DPYS: variants seen among roughly 807,000 people sequenced by gnomAD.
The protein encoded by DPYS is dihydropyrimidine amidohydrolase.
Under a neutral mutation model 50.3 loss-of-function variants are expected in DPYS, and 39 were observed. That is an observed-to-expected ratio of 0.78 (90% CI 0.60 to 1.01). DPYS has a LOEUF of 1.01. Ranked by LOEUF, DPYS falls within the 50% of genes least tolerant of loss-of-function variation. The pLI, the probability that DPYS is intolerant of heterozygous loss-of-function variation, is 0.00. For missense variants in DPYS, 659 were observed against 680.9 expected, an observed-to-expected ratio of 0.97 and a Z score of 0.36; for synonymous variants, 245 against 250.7, an observed-to-expected ratio of 0.98 and a Z score of 0.22.
intron 1 of DPYS, among the ~76,000 whole-genome samples, chr8:104,459,439 A>G (rs1380030606): frequency 2.0e-5 from 3 of 152,326 alleles, no homozygotes; most frequent in African/African-American, 7.2e-5. Context: ...TTTCATCTCT[A>G]TAACCTCTGC....
Position 104,428,053 on chromosome 8 carries a change from T to C in DPYS, c.1019A>G (p.Asp340Gly), listed in dbSNP as rs1288022078. ...CCCATTGGGGATCTTGGTAAAATCA[T>C]CCTTCCCAAGAGCTTTCTGGCAGGT... ...FNTCQKALGKDDFTKIPNGVN... is the reference protein window; with the variant it reads ...FNTCQKALGKGDFTKIPNGVN... The change falls in exon 6 of 10, where the codon GAT (aspartate) becomes GGT (glycine). Residue 340 changes from aspartate (D) to glycine (G), a missense_variant. Transcript: ENST00000351513. The C allele has an allele frequency of 6.2e-7, 1 of 1,614,232 alleles. No homozygotes were observed. Among genetic ancestry groups the C allele is most frequent in the Non-Finnish European group, 8.5e-7 (1 of 1,180,036 alleles).
intron 7 of DPYS, among the ~76,000 whole-genome samples, chr8:104,413,529 A>T (rs2669421): frequency 0.47 from 71,730 of 151,562 alleles, 17,572 homozygotes; most frequent in Middle Eastern, 0.55. Flanking sequence ...TGTACTTTTT[A>T]AAAAAATTAT....
At chr8:104,438,610 T>A (rs779737985) in intron 4 of DPYS, among the ~76,000 whole-genome samples, 10 of 152,142 alleles carry the variant, frequency 6.6e-5, no homozygotes, top group Non-Finnish European at 1.5e-4. Flanking sequence ...GAAGAATATT[T>A]CCATAATTTT....
intron 4 of DPYS, among the ~76,000 whole-genome samples, chr8:104,441,350 T>A (rs565905161): frequency 6.6e-6 from 1 of 152,280 alleles, no homozygotes; most frequent in East Asian, 1.9e-4. Context: ...ACCCATTTTG[T>A]GGTGGGCAGA....
chr8:104,434,380 G>A (rs890095190), intron 4 of DPYS, among the ~76,000 whole-genome samples: 2 of 152,118 alleles, frequency 1.3e-5, no homozygotes, highest in African/African-American at 4.8e-5. Flanking sequence ...ATTCCAAAAG[G>A]GAGGAGGACA....
At chr8:104,387,539 T>C (rs1418884052) in intron 8 of DPYS, among the ~76,000 whole-genome samples, 1 of 152,124 alleles carries the variant, frequency 6.6e-6, no homozygotes, top group African/African-American at 2.4e-5. Flanking sequence ...TTAAAGTTTA[T>C]GGTTAGGATA....
chr8:104,438,071 C>T lies in DPYS; in HGVS notation c.793+6177G>A, dbSNP rs145808748. Among the ~76,000 whole-genome samples the T allele has an allele frequency of 2.6e-3, 392 of 152,276 alleles. 1 individual carries two copies. Among genetic ancestry groups the T allele is most frequent in the African/African-American group, 7.4e-3 (306 of 41,562 alleles). ...AAGGAATCAGAAAATTTACCTTTTA[C>T]ACACTTTTCCTTAAAAATTACCTGA... On this transcript the variant is annotated intron_variant, in intron 4 of 9. Transcript: ENST00000351513.
intron 3 of DPYS, among the ~76,000 whole-genome samples, chr8:104,446,436 A>G (rs1166817685): frequency 6.6e-6 from 1 of 152,214 alleles, no homozygotes; most frequent in Non-Finnish European, 1.5e-5. Context: ...TTATTACGGA[A>G]TAATCCTCTT....
At chr8:104,428,452 T>C (rs1812813846) in intron 5 of DPYS, among the ~76,000 whole-genome samples, 1 of 152,208 alleles carries the variant, frequency 6.6e-6, no homozygotes, top group South Asian at 2.1e-4. Flanking sequence ...CACATGTACT[T>C]GATGAAGATA....
chr8:104,463,354 T>C (rs1205713468), intron 1 of DPYS, among the ~76,000 whole-genome samples: 1 of 152,254 alleles, frequency 6.6e-6, no homozygotes, highest in Non-Finnish European at 1.5e-5. Context: ...AGAGTTACTG[T>C]CTTTTCTAAA....
At chr8:104,459,240 T>C (rs763103567) in intron 1 of DPYS, among the ~76,000 whole-genome samples, 7 of 152,228 alleles carry the variant, frequency 4.6e-5, no homozygotes, top group African/African-American at 7.2e-5. Flanking sequence ...GCCACTGTGA[T>C]TGATGACTCA....
chr8:104,452,312 A>G (rs1813772127), intron 1 of DPYS, among the ~76,000 whole-genome samples: 1 of 152,240 alleles, frequency 6.6e-6, no homozygotes. Context: ...TAATTGTTGT[A>G]TTCAAACAAT....
In DPYS at chr8:104,404,517, G is replaced by C. The variant is rs192907001; in HGVS notation, c.1236-11526C>G. Among the ~76,000 whole-genome samples the C allele has an allele frequency of 2.6e-5, 4 of 152,374 alleles. No homozygotes were observed. In the East Asian group the frequency reaches 7.7e-4, roughly 29 times the overall value. Reference sequence around the variant, plus strand: ...TAAATGAGTAAACAAAGTAACAGTTGTGAATAACAAAGTAACTTCATGCTT... The same window carrying C: ...TAAATGAGTAAACAAAGTAACAGTTCTGAATAACAAAGTAACTTCATGCTT... On this transcript the variant is annotated intron_variant, in intron 7 of 9. Transcript: ENST00000351513.
At chr8:104,442,492 G>A (rs1376074006) in intron 4 of DPYS, among the ~76,000 whole-genome samples, 2 of 152,182 alleles carry the variant, frequency 1.3e-5, no homozygotes, top group African/African-American at 4.8e-5. Flanking sequence ...ATCTCATAGC[G>A]TTGGCAACAG....
intron 8 of DPYS, among the ~76,000 whole-genome samples, chr8:104,392,405 C>CT (rs753998176): frequency 6.6e-6 from 1 of 152,152 alleles, no homozygotes; most frequent in Non-Finnish European, 1.5e-5. Context: ...TCTGAGGGCT[C>CT]TCCCAATCTT....
At chr8:104,381,777 T>C (rs1018245068) in intron 8 of DPYS, among the ~76,000 whole-genome samples, 4 of 151,990 alleles carry the variant, frequency 2.6e-5, no homozygotes, top group African/African-American at 4.8e-5. Flanking sequence ...TCTCACCTCG[T>C]TGGTGACCGA....
intron 7 of DPYS, among the ~76,000 whole-genome samples, chr8:104,398,781 C>T (rs1811676582): frequency 6.6e-6 from 1 of 152,172 alleles, no homozygotes; most frequent in Non-Finnish European, 1.5e-5. Context: ...GGAACAGACC[C>T]ATCCTTTCAA....
chr8:104,413,770 T>C (rs77171982), intron 7 of DPYS, among the ~76,000 whole-genome samples: 7,213 of 152,332 alleles, frequency 0.047, 252 homozygotes, highest in Non-Finnish European at 0.076. Flanking sequence ...AATTGCAAAG[T>C]TCTGCATTTA....
intron 4 of DPYS, among the ~76,000 whole-genome samples, chr8:104,440,616 G>A (rs1018350162): frequency 7.9e-5 from 12 of 152,166 alleles, no homozygotes; most frequent in Admixed American, 2.0e-4. Context: ...AAAATTAGCT[G>A]GGCATAGTAG....
Sources: allele counts gnomAD v4.1 joint callset (sites outside exome capture counted in the v4.1 genomes callset), GRCh38; gene constraint gnomAD v4.1.1; transcripts MANE v1.5; gene names NCBI Gene and HGNC (gene_info 2026-07-23, HGNC 2026-07-21).